PRB3: variants seen among roughly 807,000 people sequenced by gnomAD.
PRB3 encodes basic salivary proline-rich protein 3.
A neutral mutation model predicts 10.0 loss-of-function variants in PRB3; 9 were observed. The ratio of observed to expected loss-of-function variants is 0.90; its 90% CI spans 0.54 to 1.57. PRB3 has a LOEUF of 1.57. PRB3 is among the 40% of genes most tolerant of loss of function. The pLI, the probability that PRB3 is intolerant of heterozygous loss-of-function variation, is 0.00. For missense variants in PRB3, 285 were observed against 385.5 expected (o/e 0.74, Z 2.18); for synonymous variants, 89 against 138.6 (o/e 0.64, Z 2.52).
intron 2 of PRB3, 85 bp from the exon 3 acceptor site, chr12:11,268,233 A>T: frequency 1.3e-6 from 2 of 1,595,784 alleles, no homozygotes; most frequent in Non-Finnish European, 1.7e-6. Context: ...ATGCACAAAA[A>T]TAAGACCCAG....
chr12:11,268,105 T>G lies in PRB3; in HGVS notation c.144A>C (p.Gln48His), dbSNP rs774107492. ...GCTTTCCTGGAGGAGGTGGGGTACG[T>G]TGGGGCTGGTTTCCTCCTTGTGGGC... The part of the protein sequence containing the change: ...GRRPQGGNQP[Q>H]RTPPPPGKPE... Residue 48 changes from glutamine (Q) to histidine (H), a missense_variant, in exon 3 of 4, where the codon CAA becomes CAC. Physicochemically the swap from Gln to His is conservative, Grantham distance 24. This residue lies in a region of PRB3 where 147 missense variants were observed against 129.4 expected (regional missense o/e 1.14). Coordinates refer to ENST00000538488, the MANE Select transcript of PRB3 (RefSeq NM_001394862.1). The G allele has an allele frequency of 6.2e-7, 1 of 1,606,428 alleles. No individual in the cohort carries two copies. The highest frequency in any genetic ancestry group is 2.2e-5 in the East Asian group (1 of 44,694).
Position 11,268,130 on chromosome 12 carries a change from C to G in PRB3, c.119G>C (p.Arg40Pro), listed in dbSNP as rs71455370. 3.1e-4 allele frequency: 421 copies of G among 1,365,088 alleles called. No individual in the cohort carries two copies. Among genetic ancestry groups the G allele is most frequent in the Non-Finnish European group, 3.7e-4 (382 of 1,023,376 alleles). The allele number at this position is 1,365,088 out of a possible 1,614,324, so 84.6% of individuals were successfully genotyped here. The change falls in exon 3 of 4, where the codon CGC (arginine) becomes CCC (proline). Residue 40 changes from arginine (R) to proline (P), a missense_variant. Arg to Pro is a moderately radical substitution (Grantham distance 103). Transcript: ENST00000538488. Reference sequence around the variant, plus strand: ...TTGGGGCTGGTTTCCTCCTTGTGGGCGTCGTCCTTCTGGCTTTCCTGGAGG... The same window carrying G: ...TTGGGGCTGGTTTCCTCCTTGTGGGGGTCGTCCTTCTGGCTTTCCTGGAGG... ...SVISGKPEGRRPQGGNQPQRT... is the reference protein window; with the variant it reads ...SVISGKPEGRPPQGGNQPQRT...
In PRB3 at chr12:11,268,642, C is replaced by T. The variant is rs371326605; in HGVS notation, c.91G>A (p.Val31Ile). ...GTGAATTGGGATTTACCTGATATTA[C>T]GGAGGGAGATTCTTCCTGGCTGACA... ...EDVSQEESPSVISGKPEGRRP... is the reference protein window; with the variant it reads ...EDVSQEESPSIISGKPEGRRP... Residue 31 changes from valine (V) to isoleucine (I), a missense_variant, in exon 2 of 4, where the codon GTA (valine) becomes ATA (isoleucine). Physicochemically the swap from Val to Ile is conservative, Grantham distance 29 (BLOSUM62 3). This residue lies in a region of PRB3 where 147 missense variants were observed against 129.4 expected (regional missense o/e 1.14). Transcript: ENST00000538488. The T allele has an allele frequency of 4.0e-5, 64 of 1,612,110 alleles. No individual in the cohort carries two copies. The highest frequency in any genetic ancestry group is 1.1e-4 in the East Asian group (5 of 44,890).
intron 3 of PRB3, among the ~76,000 whole-genome samples, 200 bp from the exon 4 acceptor site, chr12:11,266,229 G>T (rs1194634189): frequency 2.0e-5 from 3 of 152,130 alleles, no homozygotes; most frequent in African/African-American, 7.2e-5. Context: ...CCAAATTGTT[G>T]CTGAGAAGAT....
At chr12:11,266,415 G>A (rs1257139612) in intron 3 of PRB3, among the ~76,000 whole-genome samples, 1 of 152,210 alleles carries the variant, frequency 6.6e-6, no homozygotes, top group Non-Finnish European at 1.5e-5. Context: ...ACACAATGGA[G>A]TAGCATAAAA....
chr12:11,266,126 C>T (rs769597734), intron 3 of PRB3, 97 bp from the exon 4 acceptor site: 7 of 418,092 alleles, frequency 1.7e-5, no homozygotes, highest in Non-Finnish European at 3.4e-5. Context: ...TACATGAGAT[C>T]CCATCCTCTC....
intron 1 of PRB3, among the ~76,000 whole-genome samples, chr12:11,269,320 C>T (rs551979700): frequency 1.3e-5 from 2 of 152,292 alleles, no homozygotes; most frequent in East Asian, 3.9e-4. Flanking sequence ...CCTGAATCTG[C>T]CTTGCATTCA....
chr12:11,268,711 AT>A, intron 1 of PRB3, 43 bp from the exon 2 acceptor site: 1 of 1,590,998 alleles, frequency 6.3e-7, no homozygotes, highest in African/African-American at 1.3e-5. Flanking sequence ...TACATCTCGA[AT>A]TTTGCAAGAT....
chr12:11,265,988 C>T lies in PRB3; in HGVS notation c.*59G>A, dbSNP rs1467406956. Reference sequence around the variant, plus strand: ...TGACCACCTTCTTCCAATGTCATGGCATTTGAATCATTTGAATCACTGTCA... The same window carrying T: ...TGACCACCTTCTTCCAATGTCATGGTATTTGAATCATTTGAATCACTGTCA... On this transcript the variant is annotated 3_prime_UTR_variant, in exon 4 of 4. Transcript: ENST00000538488. 4.4e-6 allele frequency: 2 copies of T among 456,236 alleles called. No homozygotes were observed. The highest frequency in any genetic ancestry group is 3.3e-4 in the Middle Eastern group (1 of 3,028). The allele number at this position is 456,236 out of a possible 1,614,324, so 28.3% of individuals were successfully genotyped here. A position where few individuals can be genotyped will look rare whatever the true frequency, so the allele number is the denominator to read the frequency against.
Position 11,267,088 on chromosome 12 carries a change from A to G in PRB3, c.*17+88T>C, listed in dbSNP as rs1307234158. ...ATGGGTTCTAGGACAATACAATGTC[A>G]ATGGGTTTTTAGTTGATTCATTGGC... On this transcript the variant is annotated intron_variant, in intron 3 of 3. Transcript: ENST00000538488. 6 of 1,303,732 alleles carry G rather than the reference A, an allele frequency of 4.6e-6. No homozygotes were observed. In the South Asian group the frequency reaches 7.1e-5, roughly 15 times the overall value. The allele number at this position is 1,303,732 out of a possible 1,614,324, so 80.8% of individuals were successfully genotyped here. A position where few individuals can be genotyped will look rare whatever the true frequency, so the allele number is the denominator to read the frequency against.
At chr12:11,267,094 T>C (rs972643071) in intron 3 of PRB3, 82 bp downstream of exon 3, 20 of 1,365,556 alleles carry the variant, frequency 1.5e-5, no homozygotes, top group Non-Finnish European at 2.0e-5. Flanking sequence ...TGTCAATGGG[T>C]TTTTAGTTGA....
At chr12:11,269,278 A>G (rs1948627207) in intron 1 of PRB3, among the ~76,000 whole-genome samples, 1 of 152,196 alleles carries the variant, frequency 6.6e-6, no homozygotes, top group African/African-American at 2.4e-5. Context: ...GTACTTACTG[A>G]GATCAGTTTA....
chr12:11,268,090 A>G lies in PRB3; in HGVS notation c.159T>C (p.Pro53=). ...GGNQPQRTPP[P]PGKPEGRPPQ... is the part of the protein sequence containing the mutation. ...GGGGTCGTCCTTCTGGCTTTCCTGG[A>G]GGAGGTGGGGTACGTTGGGGCTGGT... The change falls in exon 3 of 4, where the codon CCT becomes CCC. Residue 53 remains proline, a synonymous_variant. Coordinates refer to ENST00000538488, the MANE Select transcript of PRB3 (RefSeq NM_001394862.1). 1 of 1,612,342 alleles carries G rather than the reference A, an allele frequency of 6.2e-7. No individual in the cohort carries two copies. Among genetic ancestry groups the G allele is most frequent in the South Asian group, 1.1e-5 (1 of 90,982 alleles).
chr12:11,267,036 A>T, intron 3 of PRB3, 140 bp downstream of exon 3: 1 of 890,954 alleles, frequency 1.1e-6, no homozygotes, highest in Non-Finnish European at 1.8e-6. Flanking sequence ...ACCCTATTCC[A>T]GAGTATCTGA....
At chr12:11,269,161 C>T (rs1206136466) in intron 1 of PRB3, among the ~76,000 whole-genome samples, 1 of 152,146 alleles carries the variant, frequency 6.6e-6, no homozygotes, top group Non-Finnish European at 1.5e-5. Context: ...TAGTTAGACA[C>T]AGGCAAGTGT....
intron 1 of PRB3, chr12:11,268,874 T>A: frequency 1.5e-6 from 1 of 653,306 alleles, no homozygotes; most frequent in Non-Finnish European, 2.7e-6. Flanking sequence ...AGCCATGAAC[T>A]CAATATAGAA....
chr12:11,267,109 T>G, intron 3 of PRB3, 67 bp downstream of exon 3: 1 of 1,445,648 alleles, frequency 6.9e-7, no homozygotes, highest in South Asian at 1.1e-5. Flanking sequence ...AGTTGATTCA[T>G]TGGCACAATA....
In PRB3 at chr12:11,267,819, G is replaced by A. The variant is rs564486010; in HGVS notation, c.430C>T (p.Pro144Ser). 2.4e-5 allele frequency: 9 copies of A among 373,592 alleles called. No individual in the cohort carries two copies. The highest frequency in any genetic ancestry group is 2.8e-5 in the Non-Finnish European group (6 of 213,486). The allele number at this position is 373,592 out of a possible 1,614,324, so 23.1% of individuals were successfully genotyped here. A position where few individuals can be genotyped will look rare whatever the true frequency, so the allele number is the denominator to read the frequency against. ...PPPRPGKPEG[P>S]PPQGGNQSQG... Reference sequence around the variant, plus strand: ...GACTGGTTTCCTCCTTGTGGGGGTGGTCCTTCTGGCTTTCCCGGACGAGGC... The same window carrying A: ...GACTGGTTTCCTCCTTGTGGGGGTGATCCTTCTGGCTTTCCCGGACGAGGC... The change falls in exon 3 of 4, where the codon CCA (proline) becomes TCA (serine). Residue 144 changes from proline (P) to serine (S), a missense_variant. Transcript: ENST00000538488.
Position 11,267,949 on chromosome 12 carries a change from T to A in PRB3, c.300A>T (p.Glu100Asp), listed in dbSNP as rs758194051. 1.3e-6 allele frequency: 2 copies of A among 1,564,868 alleles called. No individual in the cohort carries two copies. The highest frequency in any genetic ancestry group is 1.1e-5 in the South Asian group (1 of 88,064). Residue 100 changes from glutamate (E) to aspartate (D), a missense_variant, in exon 3 of 4, where the codon GAA becomes GAT. By Grantham distance (45) the Glu-to-Asp change is conservative. Around this residue, in one of 3 missense-constraint regions of PRB3, gnomAD observed 147 missense variants for 129.4 expected, o/e 1.14. Coordinates refer to ENST00000538488, the MANE Select transcript of PRB3 (RefSeq NM_001394862.1). ...QGPPPRPGKP[E>D]GQPPQGGNQS... The stretch of plus-strand genomic sequence containing the variant: ...GGTTTCCTCCTTGTGGGGGTTGTCC[T>A]TCTGGCTTTCCCGGACGAGGTGGGG...
Sources: gnomAD v4.1 joint callset for allele counts (sites outside exome capture counted in the v4.1 genomes callset) on GRCh38, gnomAD v4.1.1 for gene constraint, gnomAD v4.1.1 regional missense constraint, MANE v1.5 for transcripts, NCBI Gene and HGNC (gene_info 2026-07-23, HGNC 2026-07-21) for gene names.